FUT8: variants seen among roughly 807,000 people sequenced by gnomAD.
The protein encoded by FUT8 is alpha-(1,6)-fucosyltransferase.
FUT8 carries 29 observed loss-of-function variants against 71.3 expected under a neutral mutation model. The ratio of observed to expected loss-of-function variants is 0.41; its 90% CI spans 0.30 to 0.55. FUT8 has a LOEUF of 0.55. FUT8 is among the 20% of genes least tolerant of loss of function. The probability of loss-of-function intolerance (pLI) is 0.34; values close to 1 mark genes in which losing one functional copy is unlikely to be tolerated. For missense variants in FUT8, 544 were observed against 702.1 expected (o/e 0.77, Z 2.55); for synonymous variants, 254 against 239.3 (o/e 1.06, Z -0.57).
chr14:65,451,117 A>T (rs1162842693), intron 1 of FUT8, among the ~76,000 whole-genome samples: 1 of 152,126 alleles, frequency 6.6e-6, no homozygotes, highest in Admixed American at 6.6e-5. Flanking sequence ...CAGCCTCCCA[A>T]AGTGCTGGGA....
At chr14:65,449,881 A>T (rs923139943) in intron 1 of FUT8, among the ~76,000 whole-genome samples, 2 of 152,220 alleles carry the variant, frequency 1.3e-5, no homozygotes, top group Admixed American at 1.3e-4. Context: ...CCTGAGTCAT[A>T]CTTAGCTTTT....
intron 1 of FUT8, among the ~76,000 whole-genome samples, chr14:65,426,752 A>G (rs1229188628): frequency 1.3e-5 from 2 of 152,242 alleles, no homozygotes; most frequent in African/African-American, 2.4e-5. Context: ...AATAGTCAAT[A>G]TGTCAGAATG....
the FUT8 span, among the ~76,000 whole-genome samples, chr14:65,375,265 A>G: frequency 6.6e-6 from 1 of 152,130 alleles, no homozygotes; most frequent in East Asian, 1.9e-4. Flanking sequence ...CGTGGCAAAT[A>G]TTGTAGGCAA....
chr14:65,611,302 C>CACACACACACA (rs1566851609), intron 3 of FUT8, among the ~76,000 whole-genome samples: 1 of 38,476 alleles, frequency 2.6e-5, no homozygotes, highest in African/African-American at 1.5e-4. Context: ...CACACACACA[C>CACACACACACA]CCCCCAAGTA....
intron 1 of FUT8, among the ~76,000 whole-genome samples, chr14:65,429,886 A>G (rs1430080781): frequency 6.9e-6 from 1 of 145,438 alleles, no homozygotes; most frequent in African/African-American, 2.5e-5. Context: ...AAAAAAAAAA[A>G]AGACTTACAA....
intron 9 of FUT8, among the ~76,000 whole-genome samples, chr14:65,731,995 C>G (rs142883013): frequency 1.3e-5 from 2 of 152,146 alleles, no homozygotes; most frequent in Non-Finnish European, 2.9e-5. Context: ...TCTAGCATTT[C>G]GTATTTCTTT....
At chr14:65,545,084 G>T (rs1884911919) in intron 2 of FUT8, among the ~76,000 whole-genome samples, 1 of 151,192 alleles carries the variant, frequency 6.6e-6, no homozygotes, top group African/African-American at 2.4e-5. Flanking sequence ...TTTACATAAA[G>T]TAAAAGTTTA....
chr14:65,359,942 C>A, the FUT8 span, among the ~76,000 whole-genome samples: 6 of 152,206 alleles, frequency 3.9e-5, no homozygotes, highest in East Asian at 1.9e-4. Context: ...AAGTCATTCT[C>A]CTGCCTCAGC....
At chr14:65,664,971 G>A (rs1270353148) in intron 6 of FUT8, among the ~76,000 whole-genome samples, 6 of 149,598 alleles carry the variant, frequency 4.0e-5, no homozygotes, top group Non-Finnish European at 3.0e-5. Flanking sequence ...CTTTAGAATG[G>A]AAAAAAAAAA....
rs547417193 is a variant in FUT8 at position 65,486,100 on chromosome 14, A to G, written c.-228+30382A>G. ...TTTTTTTCCCATTATTTTCTGTAGT[A>G]AAAATAATTCTGGTTTGAAAATTAC... On this transcript the variant is annotated intron_variant, in intron 2 of 10. Coordinates refer to ENST00000673929, the MANE Select transcript of FUT8 (RefSeq NM_001371533.1). 5.9e-5 allele frequency among the ~76,000 whole-genome samples: 9 copies of G among 152,268 alleles called. No homozygotes were observed. The South Asian group carries it at 8.3e-4, about 14-fold the overall frequency.
At position 65,478,682 on chromosome 14, in the gene FUT8, G is replaced by A. The variant is rs1268331694; in HGVS notation, c.-228+22964G>A. Among the ~76,000 whole-genome samples the A allele has an allele frequency of 2.0e-5, 3 of 152,238 alleles. No homozygotes were observed. In the East Asian group the frequency reaches 5.8e-4, roughly 29 times the overall value. On this transcript the variant is annotated intron_variant, in intron 2 of 10. Coordinates refer to ENST00000673929, the MANE Select transcript of FUT8 (RefSeq NM_001371533.1). ...CCAAAGCCCAACTTAGAAAGTAAAA[G>A]GAAACTAGATATTTTGCCAACTAGA...
the FUT8 span, among the ~76,000 whole-genome samples, chr14:65,373,039 A>C: frequency 6.6e-6 from 1 of 152,270 alleles, no homozygotes; most frequent in Non-Finnish European, 1.5e-5. Context: ...TAAGTAATAA[A>C]TAATTTAAAA....
rs1890978227 is a variant in FUT8 at position 65,643,715 on chromosome 14, C to CACACACACACACACACACACACA, written c.597+14109_597+14110insACACACACACACACACACACACA. Among the ~76,000 whole-genome samples the CACACACACACACACACACACACA allele has an allele frequency of 1.4e-5, 2 of 145,034 alleles. No individual in the cohort carries two copies. Among genetic ancestry groups the CACACACACACACACACACACACA allele is most frequent in the African/African-American group, 2.5e-5 (1 of 39,562 alleles). On this transcript the variant is annotated intron_variant, in intron 6 of 10. Transcript: ENST00000673929. This position sits in a 1 kb window ranked among gnomAD's most constrained non-coding sequence, Gnocchi z 4.5. ...ACACACACACACACACACACACACA[C>CACACACACACACACACACACACA]CAGATTCCATTCTAGATGCTATTCC...
In FUT8 at chr14:65,413,576, C is replaced by T. The variant is rs960398237; in HGVS notation, c.-326+362C>T. Among the ~76,000 whole-genome samples the T allele has an allele frequency of 1.3e-5, 2 of 152,132 alleles. No individual in the cohort carries two copies. The highest frequency in any genetic ancestry group is 2.9e-5 in the Non-Finnish European group (2 of 68,010). ...GGGGGTGGGAGGTGTCCGTCGTTTC[C>T]CCTCCACACCTACCTTCCCTTCGTC... On this transcript the variant is annotated intron_variant, in intron 1 of 10. Coordinates refer to ENST00000673929, the MANE Select transcript of FUT8 (RefSeq NM_001371533.1). This position sits in a 1 kb window ranked among gnomAD's most constrained non-coding sequence, Gnocchi z 4.1.
chr14:65,495,367 T>C (rs2066543431), intron 2 of FUT8, among the ~76,000 whole-genome samples: 1 of 152,164 alleles, frequency 6.6e-6, no homozygotes, highest in Non-Finnish European at 1.5e-5. Context: ...CTGCTGCTTC[T>C]TGCACTGGGG....
intron 2 of FUT8, among the ~76,000 whole-genome samples, chr14:65,459,200 A>T (rs1402053582): frequency 1.6e-4 from 25 of 152,208 alleles, no homozygotes. Flanking sequence ...CACAGAGTCA[A>T]AGATAATGCT....
At position 65,572,350 on chromosome 14, in the gene FUT8, A is replaced by G. The variant is rs544228413; in HGVS notation, c.203+10584A>G. Among the ~76,000 whole-genome samples the G allele has an allele frequency of 2.6e-5, 4 of 152,320 alleles. No individual in the cohort carries two copies. In the East Asian group the frequency reaches 7.7e-4, roughly 29 times the overall value. On this transcript the variant is annotated intron_variant, in intron 3 of 10. Transcript: ENST00000673929. ...CTAAGCTTTGTGTATGTATGAACTC[A>G]TTTAATCCCTATAGCAGCCCTGTGA... is the stretch of plus-strand genomic sequence containing the variant.
At chr14:65,480,598 A>G (rs1175421052) in intron 2 of FUT8, among the ~76,000 whole-genome samples, 1 of 152,040 alleles carries the variant, frequency 6.6e-6, no homozygotes, top group African/African-American at 2.4e-5. Flanking sequence ...TACAGGTGTC[A>G]GCCACGGTGC....
chr14:65,523,813 C>G (rs1883253491), intron 2 of FUT8, among the ~76,000 whole-genome samples: 1 of 152,158 alleles, frequency 6.6e-6, no homozygotes, highest in African/African-American at 2.4e-5. Flanking sequence ...TTTCCCAGCA[C>G]CATTTATTAA....
Sources: gnomAD v4.1 joint callset for allele counts (sites outside exome capture counted in the v4.1 genomes callset) on GRCh38, gnomAD v4.1.1 for gene constraint, Gnocchi (gnomAD v3.1) non-coding constraint, MANE v1.5 for transcripts, NCBI Gene and HGNC (gene_info 2026-07-23, HGNC 2026-07-21) for gene names.